Variants in ADAMTS17 observed in about 807,000 individuals in gnomAD.
The protein encoded by ADAMTS17 is ADAM metallopeptidase with thrombospondin type 1 motif 17.
A neutral mutation model predicts 141.5 loss-of-function variants in ADAMTS17; 113 were observed. That is an observed-to-expected ratio of 0.80 (90% CI 0.69 to 0.93). The LOEUF (loss-of-function observed/expected upper bound fraction) is 0.93, where lower values mean the gene tolerates loss of function less well. Ranked by LOEUF, ADAMTS17 falls within the 40% of genes least tolerant of loss-of-function variation. The pLI is 0.00. For missense variants in ADAMTS17, 1,659 were observed against 1,517.9 expected (o/e 1.09, Z -1.54); for synonymous variants, 768 against 630.6 (o/e 1.22, Z -3.27).
intron 17 of ADAMTS17, 108 bp downstream of exon 17, chr15:100,051,464 G>A (rs2032138160): frequency 1.3e-6 from 2 of 1,485,790 alleles, no homozygotes; most frequent in African/African-American, 2.8e-5. Context: ...AATTCCCATG[G>A]AGCTACAGGT....
intron 3 of ADAMTS17, among the ~76,000 whole-genome samples, chr15:100,299,024 A>G (rs762449783): frequency 5.3e-5 from 8 of 152,076 alleles, no homozygotes; most frequent in Non-Finnish European, 1.0e-4. Flanking sequence ...CCCTCTGTAC[A>G]TGTCTGTGTC....
intron 3 of ADAMTS17, among the ~76,000 whole-genome samples, chr15:100,314,076 T>C (rs995874624): frequency 2.6e-5 from 4 of 152,096 alleles, no homozygotes; most frequent in African/African-American, 9.7e-5. Flanking sequence ...AATGTCACCA[T>C]GAAGAAACGT....
At position 100,116,153 on chromosome 15, in the gene ADAMTS17, A is replaced by C. The variant is rs113722568; in HGVS notation, c.1888+694T>G. Reference sequence around the variant, plus strand: ...TAGGTAAAAAAAAAAAAAAAAAAAAAAAAAACCCAACAACCCTGAAGCGGG... The same window carrying C: ...TAGGTAAAAAAAAAAAAAAAAAAAACAAAAACCCAACAACCCTGAAGCGGG... On this transcript the variant is annotated intron_variant, in intron 13 of 21. Transcript: ENST00000268070. 2.7e-4 allele frequency among the ~76,000 whole-genome samples: 41 copies of C among 151,268 alleles called. 1 individual carries two copies. Among genetic ancestry groups the C allele is most frequent in the African/African-American group, 8.5e-4 (35 of 41,076 alleles).
intron 3 of ADAMTS17, among the ~76,000 whole-genome samples, chr15:100,300,691 C>A (rs2044999986): frequency 6.6e-6 from 1 of 152,184 alleles, no homozygotes; most frequent in South Asian, 2.1e-4. Flanking sequence ...CTTCCTGTGG[C>A]TTCCTCTAAA....
chr15:100,149,516 A>G (rs1340934208), intron 10 of ADAMTS17, among the ~76,000 whole-genome samples: 1 of 151,918 alleles, frequency 6.6e-6, no homozygotes, highest in Non-Finnish European at 1.5e-5. Flanking sequence ...GACCTGAGTC[A>G]CCCCTGGTCA....
At chr15:100,009,930 T>G (rs1368422327) in intron 18 of ADAMTS17, among the ~76,000 whole-genome samples, 1 of 152,244 alleles carries the variant, frequency 6.6e-6, no homozygotes, top group Non-Finnish European at 1.5e-5. Context: ...TGTCCTCACC[T>G]GAATCTCATC....
chr15:100,207,423 A>C (rs539070898), intron 7 of ADAMTS17, among the ~76,000 whole-genome samples: 1 of 152,108 alleles, frequency 6.6e-6, no homozygotes, highest in Non-Finnish European at 1.5e-5. Flanking sequence ...AAGCTAATAC[A>C]CCCAGAGTGC....
At chr15:100,308,314 G>A (rs184356542) in intron 3 of ADAMTS17, among the ~76,000 whole-genome samples, 4 of 152,290 alleles carry the variant, frequency 2.6e-5, no homozygotes, top group African/African-American at 7.2e-5. Flanking sequence ...GGCTGCTAGC[G>A]GCTGCTTGCC....
At chr15:100,025,051 A>G (rs2061480307) in intron 18 of ADAMTS17, among the ~76,000 whole-genome samples, 1 of 152,166 alleles carries the variant, frequency 6.6e-6, no homozygotes, top group African/African-American at 2.4e-5. Context: ...TTGGGTTGAG[A>G]GTGGTACGCT....
intron 15 of ADAMTS17, among the ~76,000 whole-genome samples, chr15:100,079,397 C>T (rs912742432): frequency 4.6e-5 from 7 of 152,180 alleles, no homozygotes; most frequent in African/African-American, 1.7e-4. Flanking sequence ...TATGTGACAA[C>T]ATGCATGACT....
rs566085450 is a variant in ADAMTS17 at position 100,110,512 on chromosome 15, C to A, written c.1889-1396G>T. Among the ~76,000 whole-genome samples the A allele has an allele frequency of 8.0e-4, 122 of 152,122 alleles. 1 individual carries two copies. Among genetic ancestry groups the A allele is most frequent in the Admixed American group, 2.8e-3 (42 of 15,264 alleles). On this transcript the variant is annotated intron_variant, in intron 13 of 21. Transcript: ENST00000268070. Reference sequence around the variant, plus strand: ...ATCTCCTGACCTCGTGACTTGCCTGCCTCGGCCTCCCAAAGTGCTGGGATT... The same window carrying A: ...ATCTCCTGACCTCGTGACTTGCCTGACTCGGCCTCCCAAAGTGCTGGGATT...
At chr15:100,327,038 A>G in intron 3 of ADAMTS17, among the ~76,000 whole-genome samples, 1 of 152,166 alleles carries the variant, frequency 6.6e-6, no homozygotes, top group Non-Finnish European at 1.5e-5. Context: ...ATCTTAACCC[A>G]TTTATGCCAG....
At chr15:100,117,076 T>A in intron 12 of ADAMTS17, 63 bp from the exon 13 acceptor site, 12 of 1,533,546 alleles carry the variant, frequency 7.8e-6, no homozygotes, top group Non-Finnish European at 9.6e-6. Flanking sequence ...GAGAGCTGTT[T>A]CCGTCTCTCT....
At chr15:100,315,785 TCATA>T (rs2045547753) in intron 3 of ADAMTS17, among the ~76,000 whole-genome samples, 2 of 152,200 alleles carry the variant, frequency 1.3e-5, no homozygotes, top group African/African-American at 4.8e-5. Context: ...AGAATTTAAC[TCATA>T]CTTACATGAA....
chr15:100,254,206 G>A, intron 6 of ADAMTS17, 27 bp from the exon 7 acceptor site: 1 of 1,596,700 alleles, frequency 6.3e-7, no homozygotes, highest in Non-Finnish European at 8.6e-7. Context: ...CCATCATCAG[G>A]TATATGCAGT....
intron 4 of ADAMTS17, among the ~76,000 whole-genome samples, chr15:100,266,308 CCAGCA>C (rs1421451679): frequency 6.6e-6 from 1 of 152,208 alleles, no homozygotes; most frequent in African/African-American, 2.4e-5. Flanking sequence ...ACACACAAAA[CCAGCA>C]CAGCACATCT....
At chr15:100,107,281 C>T (rs1211497975) in intron 14 of ADAMTS17, among the ~76,000 whole-genome samples, 1 of 152,174 alleles carries the variant, frequency 6.6e-6, no homozygotes, top group Non-Finnish European at 1.5e-5. Context: ...ATAAGCAGAT[C>T]TGCTGTCCGC....
chr15:100,017,995 C>T (rs2061324069), intron 18 of ADAMTS17, among the ~76,000 whole-genome samples: 2 of 152,132 alleles, frequency 1.3e-5, no homozygotes, highest in Non-Finnish European at 1.5e-5. Flanking sequence ...ATTGTATAGA[C>T]ACCAACCCCA....
chr15:100,258,531 C>T (rs1451110595), intron 6 of ADAMTS17, among the ~76,000 whole-genome samples: 2 of 152,182 alleles, frequency 1.3e-5, no homozygotes, highest in Non-Finnish European at 2.9e-5. Context: ...AGGCGAAAGG[C>T]ACGTCTCACA....
Sources: allele counts gnomAD v4.1 joint callset (sites outside exome capture counted in the v4.1 genomes callset), GRCh38; gene constraint gnomAD v4.1.1; transcripts MANE v1.5; gene names NCBI Gene and HGNC (gene_info 2026-07-23, HGNC 2026-07-21).